The following SCFD2 variants were observed in gnomAD, a reference collection of about 807,000 sequenced individuals.
SCFD2 encodes the protein sec1 family domain-containing protein 2.
A neutral mutation model predicts 58.9 loss-of-function variants in SCFD2; 54 were observed. That is an observed-to-expected ratio of 0.92 (90% CI 0.74 to 1.15). SCFD2 has a LOEUF of 1.15. SCFD2 is among the 50% of genes most tolerant of loss of function. SCFD2 has a pLI of 0.00. For synonymous variants in SCFD2, 321 were observed against 335.9 expected (o/e 0.96, Z 0.49); for missense variants, 805 against 836.6 (o/e 0.96, Z 0.47).
chr4:53,243,469 T>G (rs1239279831), intron 4 of SCFD2, among the ~76,000 whole-genome samples: 2 of 151,710 alleles, frequency 1.3e-5, no homozygotes, highest in Admixed American at 1.3e-4. Context: ...TACAAGAATA[T>G]CTGAAAAAAA....
intron 4 of SCFD2, 188 bp downstream of exon 4, chr4:53,273,638 A>G: frequency 2.0e-6 from 1 of 488,304 alleles, no homozygotes; most frequent in Non-Finnish European, 3.5e-6. Flanking sequence ...TACTGTCAAA[A>G]TTTTTTTTTA....
At chr4:53,020,778 C>T (rs1334962431) in intron 5 of SCFD2, among the ~76,000 whole-genome samples, 1 of 152,144 alleles carries the variant, frequency 6.6e-6, no homozygotes, top group Non-Finnish European at 1.5e-5. Context: ...CATATATAGT[C>T]CTAGGAACCA....
chr4:53,007,668 G>A (rs561953325), intron 5 of SCFD2, among the ~76,000 whole-genome samples: 24 of 152,096 alleles, frequency 1.6e-4, no homozygotes, highest in Non-Finnish European at 2.5e-4. Flanking sequence ...TCTAAGTGTG[G>A]CTTAACAGCA....
intron 4 of SCFD2, among the ~76,000 whole-genome samples, chr4:53,238,186 C>G (rs1367226646): frequency 7.0e-6 from 1 of 142,436 alleles, no homozygotes; most frequent in African/African-American, 2.6e-5. Flanking sequence ...GGGGCTGACC[C>G]CCCCACCTCC....
chr4:53,212,891 T>G (rs1728667843), intron 4 of SCFD2, among the ~76,000 whole-genome samples: 1 of 151,994 alleles, frequency 6.6e-6, no homozygotes, highest in Admixed American at 6.6e-5. Flanking sequence ...TTCTTCTATC[T>G]TGTTAACAAA....
At chr4:53,184,068 A>G (rs1727665695) in intron 4 of SCFD2, among the ~76,000 whole-genome samples, 1 of 152,164 alleles carries the variant, frequency 6.6e-6, no homozygotes, top group Admixed American at 6.6e-5. Flanking sequence ...AAAATATCCC[A>G]TTTAAAAATG....
chr4:53,186,272 A>G (rs1312574288), intron 4 of SCFD2, among the ~76,000 whole-genome samples: 1 of 151,626 alleles, frequency 6.6e-6, no homozygotes, highest in Non-Finnish European at 1.5e-5. Context: ...ATTATATTCT[A>G]CCTCCCCCTT....
chr4:53,168,194 T>C (rs1261687457), intron 4 of SCFD2, among the ~76,000 whole-genome samples: 1 of 152,140 alleles, frequency 6.6e-6, no homozygotes, highest in African/African-American at 2.4e-5. Flanking sequence ...ATCCAGAAAT[T>C]TGGACTTGGG....
At chr4:53,344,034 G>A (rs1322484492) in intron 2 of SCFD2, among the ~76,000 whole-genome samples, 14 of 152,202 alleles carry the variant, frequency 9.2e-5, no homozygotes, top group Middle Eastern at 6.8e-3. Context: ...TTTGAAAACT[G>A]GCACAAGACA....
intron 3 of SCFD2, among the ~76,000 whole-genome samples, chr4:53,274,469 A>T (rs1303445560): frequency 6.6e-6 from 1 of 152,166 alleles, no homozygotes; most frequent in African/African-American, 2.4e-5. Flanking sequence ...TACCATTGAT[A>T]TCAGTGAGTT....
chr4:53,039,839 C>A (rs1386975857), intron 5 of SCFD2, among the ~76,000 whole-genome samples: 1 of 152,126 alleles, frequency 6.6e-6, no homozygotes, highest in South Asian at 2.1e-4. Flanking sequence ...GTGGTGAAAA[C>A]AGGATTCTCT....
At chr4:52,980,142 C>T (rs1295078706) in intron 5 of SCFD2, among the ~76,000 whole-genome samples, 1 of 152,110 alleles carries the variant, frequency 6.6e-6, no homozygotes, top group Non-Finnish European at 1.5e-5. Context: ...TAATGGTGTT[C>T]CATTTCTTAA....
chr4:53,190,741 T>C (rs1727869430), intron 4 of SCFD2, among the ~76,000 whole-genome samples: 1 of 152,214 alleles, frequency 6.6e-6, no homozygotes, highest in Non-Finnish European at 1.5e-5. Flanking sequence ...GCTGAATAAA[T>C]GAACGAAGAA....
At chr4:53,310,468 C>A (rs1577956993) in intron 3 of SCFD2, among the ~76,000 whole-genome samples, 1 of 152,188 alleles carries the variant, frequency 6.6e-6, no homozygotes, top group African/African-American at 2.4e-5. Flanking sequence ...ATCATCTACT[C>A]ATTTCTTCTG....
chr4:53,289,391 A>AC (rs924131241), intron 3 of SCFD2, among the ~76,000 whole-genome samples: 2 of 152,100 alleles, frequency 1.3e-5, no homozygotes, highest in Non-Finnish European at 2.9e-5. Context: ...AACAACAACA[A>AC]AAAAAATGGT....
At chr4:53,042,580 T>C (rs1031973578) in intron 5 of SCFD2, among the ~76,000 whole-genome samples, 15 of 152,176 alleles carry the variant, frequency 9.9e-5, no homozygotes, top group African/African-American at 3.6e-4. Flanking sequence ...AAATAAAATA[T>C]ACATTTTCTT....
chr4:53,182,284 G>A (rs1313533182), intron 4 of SCFD2, among the ~76,000 whole-genome samples: 1 of 152,160 alleles, frequency 6.6e-6, no homozygotes, highest in Non-Finnish European at 1.5e-5. Context: ...AAAACAGCGT[G>A]GTACTGGTAC....
chr4:53,194,648 G>GA (rs1223354406), intron 4 of SCFD2, among the ~76,000 whole-genome samples: 6 of 152,068 alleles, frequency 3.9e-5, no homozygotes, highest in African/African-American at 1.4e-4. Flanking sequence ...ACAGATTTAG[G>GA]ATAACTTAAT....
chr4:53,187,315 A>G (rs1172390784), intron 4 of SCFD2, among the ~76,000 whole-genome samples: 5 of 152,120 alleles, frequency 3.3e-5, no homozygotes, highest in Non-Finnish European at 5.9e-5. Flanking sequence ...TCTTGTGGAA[A>G]GCTTAAATTG....
Sources: allele counts gnomAD v4.1 joint callset (sites outside exome capture counted in the v4.1 genomes callset), GRCh38; gene constraint gnomAD v4.1.1; transcripts MANE v1.5; gene names NCBI Gene and HGNC (gene_info 2026-07-23, HGNC 2026-07-21).